The following LRMDA variants were observed in gnomAD, a reference collection of about 807,000 sequenced individuals.
The protein encoded by LRMDA is leucine-rich melanocyte differentiation-associated protein.
A neutral mutation model predicts 29.8 loss-of-function variants in LRMDA; 18 were observed. The observed-to-expected ratio is 0.60, with a 90% confidence interval of 0.42 to 0.90. The LOEUF (loss-of-function observed/expected upper bound fraction) is 0.90. Among genes scored for constraint, LRMDA ranks in the 40% least tolerant of loss-of-function variants. The pLI is 0.00. For synonymous variants in LRMDA, 125 were observed against 109.4 expected (o/e 1.14, Z -0.89); for missense variants, 273 against 273.9 (o/e 1.00, Z 0.02).
intron 2 of LRMDA, chr10:75,552,387 C>G (rs149813833): frequency 3.0e-5 from 7 of 232,912 alleles, no homozygotes; most frequent in South Asian, 2.5e-4. Flanking sequence ...TTGAGCAGTG[C>G]GCTGTCATTC....
chr10:76,503,762 T>G (rs1016387612), intron 6 of LRMDA, among the ~76,000 whole-genome samples: 3 of 151,774 alleles, frequency 2.0e-5, no homozygotes, highest in African/African-American at 7.2e-5. Flanking sequence ...ATTTTGTTTA[T>G]TCTTTTGAAG....
intron 2 of LRMDA, among the ~76,000 whole-genome samples, chr10:76,001,162 T>G (rs1386180313): frequency 6.6e-6 from 1 of 152,228 alleles, no homozygotes; most frequent in Non-Finnish European, 1.5e-5. Context: ...ATTGTCTGGT[T>G]GTTCTTCCTT....
chr10:76,327,477 C>A (rs546603368), intron 6 of LRMDA, among the ~76,000 whole-genome samples: 12 of 152,190 alleles, frequency 7.9e-5, no homozygotes, highest in African/African-American at 2.9e-4. Flanking sequence ...TGCCTGATAC[C>A]CCCTACACAC....
rs531729040 is a variant in LRMDA at position 76,055,063 on chromosome 10, C to CAAAAAAAA, written c.399-3579_399-3572dup. Among the ~76,000 whole-genome samples the CAAAAAAAA allele has an allele frequency of 1.8e-3, 82 of 45,894 alleles. 1 individual carries two copies. The highest frequency in any genetic ancestry group is 3.0e-3 in the Admixed American group (9 of 2,978). 30.1% of individuals were successfully genotyped at this position (45,894 alleles called of 152,430 possible). A position where few individuals can be genotyped will look rare whatever the true frequency, so the allele number is the denominator to read the frequency against. On this transcript the variant is annotated intron_variant, in intron 4 of 6. Transcript: ENST00000611255. The stretch of plus-strand genomic sequence containing the variant: ...TGGGCAACAGAGCAAGACTCCATCT[C>CAAAAAAAA]AAAAAAAAAAAAAAAAAAAAAAAAA...
chr10:76,544,057 T>G (rs1013921147), intron 6 of LRMDA, among the ~76,000 whole-genome samples: 20 of 152,206 alleles, frequency 1.3e-4, no homozygotes, highest in African/African-American at 4.8e-4. Flanking sequence ...CCACTGGTGC[T>G]CAGGGAGTCT....
chr10:75,665,514 T>C (rs1841811115), intron 2 of LRMDA, among the ~76,000 whole-genome samples: 1 of 152,174 alleles, frequency 6.6e-6, no homozygotes, highest in Admixed American at 6.5e-5. Flanking sequence ...ACCCTAGAAC[T>C]TAAAGTATAA....
At chr10:76,130,594 A>G (rs1849972185) in intron 5 of LRMDA, among the ~76,000 whole-genome samples, 1 of 152,192 alleles carries the variant, frequency 6.6e-6, no homozygotes, top group Non-Finnish European at 1.5e-5. Flanking sequence ...TTTGTAGGTG[A>G]ACAGTTTGCA....
intron 2 of LRMDA, among the ~76,000 whole-genome samples, chr10:76,032,736 T>C (rs1848170757): frequency 6.6e-6 from 1 of 152,030 alleles, no homozygotes; most frequent in African/African-American, 2.4e-5. Flanking sequence ...TCCAGAACAA[T>C]CCAGGCCTGG....
At chr10:76,168,540 T>A in intron 5 of LRMDA, among the ~76,000 whole-genome samples, 1 of 152,202 alleles carries the variant, frequency 6.6e-6, no homozygotes, top group Non-Finnish European at 1.5e-5. Context: ...GGTGATGATC[T>A]GAATCATCAA....
At chr10:76,455,331 GT>G (rs1249645761) in intron 6 of LRMDA, among the ~76,000 whole-genome samples, 1 of 152,160 alleles carries the variant, frequency 6.6e-6, no homozygotes, top group East Asian at 1.9e-4. Context: ...AATTCTGAAG[GT>G]TTTAAAATGC....
chr10:76,130,461 T>A (rs1849966770), intron 5 of LRMDA, among the ~76,000 whole-genome samples: 1 of 152,238 alleles, frequency 6.6e-6, no homozygotes, highest in Non-Finnish European at 1.5e-5. Flanking sequence ...ACTGATCATT[T>A]GTTAGCCTGT....
At chr10:76,010,922 A>C (rs1423086516) in intron 2 of LRMDA, among the ~76,000 whole-genome samples, 1 of 152,250 alleles carries the variant, frequency 6.6e-6, no homozygotes, top group East Asian at 1.9e-4. Context: ...AGGAATCCTG[A>C]GACTTGACAT....
intron 2 of LRMDA, among the ~76,000 whole-genome samples, chr10:75,728,834 A>G (rs983654345): frequency 2.6e-5 from 4 of 151,758 alleles, no homozygotes; most frequent in African/African-American, 7.3e-5. Context: ...ACTTTTGGGT[A>G]GATGGATAAG....
intron 2 of LRMDA, among the ~76,000 whole-genome samples, chr10:75,774,467 G>A (rs1162370008): frequency 6.6e-6 from 1 of 152,104 alleles, no homozygotes; most frequent in Non-Finnish European, 1.5e-5. Flanking sequence ...ATGTATCTTA[G>A]AAATAGCTGT....
intron 6 of LRMDA, among the ~76,000 whole-genome samples, chr10:76,494,480 T>A (rs746808935): frequency 6.6e-6 from 1 of 151,866 alleles, no homozygotes; most frequent in Non-Finnish European, 1.5e-5. Context: ...CATTCATTCC[T>A]GATATTGATA....
chr10:76,209,259 G>A (rs2395346), intron 5 of LRMDA, among the ~76,000 whole-genome samples: 30,462 of 152,012 alleles, frequency 0.2, 3,411 homozygotes, highest in East Asian at 0.53. Context: ...CTGTGCTTCC[G>A]TGCCTCTGAG....
chr10:75,795,410 A>T (rs921470956), intron 2 of LRMDA, among the ~76,000 whole-genome samples: 1 of 125,132 alleles, frequency 8.0e-6, no homozygotes, highest in African/African-American at 2.5e-5. Context: ...AATAAATAAA[A>T]TAAAATAAAA....
intron 6 of LRMDA, among the ~76,000 whole-genome samples, chr10:76,470,989 AT>A (rs1483575769): frequency 6.6e-6 from 1 of 151,944 alleles, no homozygotes; most frequent in African/African-American, 2.4e-5. Context: ...ATAAAATAAT[AT>A]GTATGTAATT....
At chr10:75,621,351 G>A (rs1434040352) in intron 2 of LRMDA, among the ~76,000 whole-genome samples, 1 of 152,028 alleles carries the variant, frequency 6.6e-6, no homozygotes, top group Non-Finnish European at 1.5e-5. Context: ...ACTTCACTTT[G>A]GACTTTGTGG....
Sources: gnomAD v4.1 joint callset for allele counts (sites outside exome capture counted in the v4.1 genomes callset) on GRCh38, gnomAD v4.1.1 for gene constraint, MANE v1.5 for transcripts, NCBI Gene and HGNC (gene_info 2026-07-23, HGNC 2026-07-21) for gene names.